The following CMIP variants were observed in gnomAD, a reference collection of about 807,000 sequenced individuals.
The protein encoded by CMIP is C-Maf-inducing protein.
Under a neutral mutation model 97.3 loss-of-function variants are expected in CMIP, and 13 were observed. The observed-to-expected ratio is 0.13, with a 90% confidence interval of 0.09 to 0.21. CMIP has a LOEUF of 0.21. Ranked by LOEUF, CMIP falls within the 10% of genes least tolerant of loss-of-function variation. The pLI, the probability that CMIP is intolerant of heterozygous loss-of-function variation, is 1.00. For missense variants in CMIP, 847 were observed against 1,024.9 expected, an observed-to-expected ratio of 0.83 and a Z score of 2.37; for synonymous variants, 538 against 436.3, an observed-to-expected ratio of 1.23 and a Z score of -2.91.
chr16:81,461,591 A>T (rs1437706524), intron 1 of CMIP, among the ~76,000 whole-genome samples: 1 of 152,234 alleles, frequency 6.6e-6, no homozygotes, highest in African/African-American at 2.4e-5. Context: ...TTAGGAACTT[A>T]AGGCCCAGAG....
intron 1 of CMIP, among the ~76,000 whole-genome samples, chr16:81,488,276 A>G (rs1242502249): frequency 3.9e-5 from 6 of 152,060 alleles, no homozygotes; most frequent in African/African-American, 1.4e-4. Flanking sequence ...TGGGTTTTAA[A>G]TTCCTCTTCC....
intron 1 of CMIP, among the ~76,000 whole-genome samples, chr16:81,507,863 T>C (rs2089738198): frequency 6.6e-6 from 1 of 152,224 alleles, no homozygotes; most frequent in African/African-American, 2.4e-5. Flanking sequence ...AGGGTAGCAC[T>C]CAGTAGTACT....
At chr16:81,551,253 C>T (rs1158066796) in intron 1 of CMIP, among the ~76,000 whole-genome samples, 1 of 152,170 alleles carries the variant, frequency 6.6e-6, no homozygotes, top group Non-Finnish European at 1.5e-5. Context: ...TCACACACCC[C>T]AGTTCCATCA....
intron 1 of CMIP, among the ~76,000 whole-genome samples, chr16:81,455,132 G>C (rs1906465072): frequency 6.6e-6 from 1 of 152,226 alleles, no homozygotes; most frequent in Non-Finnish European, 1.5e-5. Context: ...GATGCAGAGA[G>C]ACTAAGGACT....
Position 81,682,903 on chromosome 16 carries a change from A to G in CMIP, c.1388+4275A>G, listed in dbSNP as rs937258371. 2.6e-5 allele frequency among the ~76,000 whole-genome samples: 4 copies of G among 152,236 alleles called. No individual in the cohort carries two copies. The South Asian group carries it at 8.3e-4, about 31-fold the overall frequency. On this transcript the variant is annotated intron_variant, in intron 10 of 20. Coordinates refer to ENST00000537098, the MANE Select transcript of CMIP (RefSeq NM_198390.3). ...CGGGTCGAGGTTGATGGTGAAAAAAATCACCGCATGAGGCGCAGGAGGGGT... is the reference window on the plus strand; with the variant it reads ...CGGGTCGAGGTTGATGGTGAAAAAAGTCACCGCATGAGGCGCAGGAGGGGT...
At chr16:81,518,257 A>C (rs2089953986) in intron 1 of CMIP, 1 of 152,144 alleles carries the variant, frequency 6.6e-6, no homozygotes, top group Non-Finnish European at 1.5e-5. Flanking sequence ...TGAAAGTAGG[A>C]CCTGTCATCC....
At chr16:81,536,159 G>C (rs919151199) in intron 1 of CMIP, among the ~76,000 whole-genome samples, 3 of 152,230 alleles carry the variant, frequency 2.0e-5, no homozygotes, top group African/African-American at 7.2e-5. Flanking sequence ...TTGAAATCAG[G>C]TAAGTGTTAA....
chr16:81,671,280 T>C (rs1227120041), intron 8 of CMIP, among the ~76,000 whole-genome samples: 1 of 152,164 alleles, frequency 6.6e-6, no homozygotes. Context: ...CACCACCCAG[T>C]TGTGGTTTGC....
In CMIP at chr16:81,453,918, A is replaced by G. The variant is rs116358117; in HGVS notation, c.300+8377A>G. 9.5e-3 allele frequency among the ~76,000 whole-genome samples: 1,448 copies of G among 152,306 alleles called. 33 individuals carry two copies. The highest frequency in any genetic ancestry group is 0.033 in the African/African-American group (1,370 of 41,558). On this transcript the variant is annotated intron_variant, in intron 1 of 20. Coordinates refer to ENST00000537098, the MANE Select transcript of CMIP (RefSeq NM_198390.3). The surrounding 1 kb of genome is among the most constrained non-coding windows in gnomAD (Gnocchi z 4.0). ...GGAGTGCAGGGGAAGACTTGGGAAC[A>G]TGGTTTACATGTGCGTCTGGGAGGA...
Position 81,703,965 on chromosome 16 carries a change from C to G in CMIP, c.1971C>G (p.Ser657Arg), listed in dbSNP as rs1388894374. The part of the protein sequence containing the change: ...STDADLARLL[S>R]SGSFGNLENL... The stretch of plus-strand genomic sequence containing the variant: ...ACGCTGACTTGGCTCGTTTGCTGAG[C>G]TCCGGCTCCTTCGGAAACCTGGAGA... Residue 657 changes from serine (S) to arginine (R), a missense_variant, in exon 18 of 21, where the codon AGC becomes AGG. This residue lies in a region of CMIP where 266 missense variants were observed against 384.2 expected (regional missense o/e 0.69). Transcript: ENST00000537098. 2 of 1,596,442 alleles carry G rather than the reference C, an allele frequency of 1.3e-6. No individual in the cohort carries two copies.
At chr16:81,675,415 C>T (rs925670282) in intron 9 of CMIP, among the ~76,000 whole-genome samples, 7 of 133,500 alleles carry the variant, frequency 5.2e-5, no homozygotes, top group Admixed American at 8.1e-5. Flanking sequence ...GATGGGGTTT[C>T]GCCATGTTGG....
At chr16:81,561,636 G>A (rs995612975) in intron 1 of CMIP, among the ~76,000 whole-genome samples, 7 of 152,144 alleles carry the variant, frequency 4.6e-5, no homozygotes, top group African/African-American at 7.2e-5. Context: ...AGTTTTCTGC[G>A]GAGTGGAGAG....
At chr16:81,471,260 CATAT>C (rs1907522604) in intron 1 of CMIP, among the ~76,000 whole-genome samples, 1 of 152,050 alleles carries the variant, frequency 6.6e-6, no homozygotes, top group Non-Finnish European at 1.5e-5. Flanking sequence ...ATACACATAC[CATAT>C]ATACTTGCTT....
chr16:81,566,021 C>A (rs2090977414), intron 1 of CMIP, among the ~76,000 whole-genome samples: 1 of 152,096 alleles, frequency 6.6e-6, no homozygotes, highest in South Asian at 2.1e-4. Context: ...GAGGCCGAGG[C>A]AAATAGTTGG....
At chr16:81,644,924 C>G (rs577516068) in intron 3 of CMIP, among the ~76,000 whole-genome samples, 1 of 152,154 alleles carries the variant, frequency 6.6e-6, no homozygotes, top group Non-Finnish European at 1.5e-5. Flanking sequence ...ACCTCAGCAT[C>G]GATGGGTAGA....
chr16:81,598,469 A>G (rs558221745), intron 1 of CMIP, among the ~76,000 whole-genome samples: 1 of 152,324 alleles, frequency 6.6e-6, no homozygotes, highest in South Asian at 2.1e-4. Flanking sequence ...ATCATCACAG[A>G]CGATCCTGTA....
intron 1 of CMIP, among the ~76,000 whole-genome samples, chr16:81,557,340 G>C (rs11639503): frequency 0.29 from 43,304 of 147,754 alleles, 6,475 homozygotes; most frequent in East Asian, 0.52. Context: ...GATGTTGGTT[G>C]AATTTACTGA....
At chr16:81,701,859 C>A in intron 16 of CMIP, 59 bp downstream of exon 16, 3 of 1,599,546 alleles carry the variant, frequency 1.9e-6, no homozygotes, top group Non-Finnish European at 2.6e-6. Context: ...GGGGCCAGGG[C>A]GGGATGCGGG....
At chr16:81,554,048 C>A (rs2090713472) in intron 1 of CMIP, among the ~76,000 whole-genome samples, 1 of 152,234 alleles carries the variant, frequency 6.6e-6, no homozygotes, top group South Asian at 2.1e-4. Context: ...GTGGGCGGGA[C>A]TTGGCCCTCT....
Sources: allele counts gnomAD v4.1 joint callset (sites outside exome capture counted in the v4.1 genomes callset), GRCh38; gene constraint gnomAD v4.1.1; regional missense constraint gnomAD v4.1.1; non-coding constraint Gnocchi (gnomAD v3.1); transcripts MANE v1.5; gene names NCBI Gene and HGNC (gene_info 2026-07-23, HGNC 2026-07-21).